Variants in LSAMP observed in about 807,000 individuals in gnomAD.
LSAMP encodes the protein limbic system associated membrane protein, also known as limbic system-associated membrane protein.
In LSAMP, 7 loss-of-function variants were observed where a neutral mutation model predicts 38.6. The observed-to-expected ratio is 0.18, with a 90% confidence interval of 0.10 to 0.34. The LOEUF (loss-of-function observed/expected upper bound fraction) is 0.34, where lower values mean the gene tolerates loss of function less well. Among genes scored for constraint, LSAMP ranks in the 10% least tolerant of loss-of-function variants. The probability of loss-of-function intolerance (pLI) is 1.00; values close to 1 mark genes in which losing one functional copy is unlikely to be tolerated. For synonymous variants in LSAMP, 154 were observed against 166.8 expected (o/e 0.92, Z 0.59); for missense variants, 313 against 420.0 (o/e 0.75, Z 2.23).
intron 3 of LSAMP, among the ~76,000 whole-genome samples, chr3:116,018,060 A>T (rs990262742): frequency 6.6e-6 from 1 of 152,048 alleles, no homozygotes; most frequent in African/African-American, 2.4e-5. Flanking sequence ...TCCTTTATAC[A>T]TATTTTTTTT....
chr3:115,914,811 TA>T (rs1414077705), intron 3 of LSAMP, among the ~76,000 whole-genome samples: 1 of 152,230 alleles, frequency 6.6e-6, no homozygotes, highest in African/African-American at 2.4e-5. Flanking sequence ...TGGTGCTAAG[TA>T]CTCTCAAGCA....
rs534998332 is a variant in LSAMP at position 116,426,969 on chromosome 3, C to T, written c.155+17908G>A. Among the ~76,000 whole-genome samples, 10 of 151,988 alleles carry T rather than the reference C, an allele frequency of 6.6e-5. No individual in the cohort carries two copies. The East Asian group carries it at 1.9e-3, about 29-fold the overall frequency. The stretch of plus-strand genomic sequence containing the variant: ...CTGGGGTTTTTCTGGTAGCATACAA[C>T]CTGAGACTGATTTATTCTATTTATT... On this transcript the variant is annotated intron_variant, in intron 1 of 6. Transcript: ENST00000490035.
chr3:115,861,402 G>T (rs1265448931), intron 3 of LSAMP, among the ~76,000 whole-genome samples: 1 of 151,998 alleles, frequency 6.6e-6, no homozygotes, highest in East Asian at 1.9e-4. Context: ...GCTCTTCAAA[G>T]ATTTCAAAAA....
intron 1 of LSAMP, among the ~76,000 whole-genome samples, chr3:116,428,976 A>C (rs906989967): frequency 4.6e-5 from 7 of 152,210 alleles, no homozygotes; most frequent in African/African-American, 1.7e-4. Flanking sequence ...GTTAGTTCCT[A>C]AACTCTGTCT....
intron 3 of LSAMP, among the ~76,000 whole-genome samples, chr3:115,879,762 CTT>C (rs1936275915): frequency 6.6e-6 from 1 of 152,098 alleles, no homozygotes; most frequent in African/African-American, 2.4e-5. Flanking sequence ...AAGAGACTAA[CTT>C]TTCACAAAAG....
At chr3:116,285,137 CTCCAA>C (rs2047176034) in intron 1 of LSAMP, among the ~76,000 whole-genome samples, 2 of 152,156 alleles carry the variant, frequency 1.3e-5, no homozygotes, top group Admixed American at 1.3e-4. Context: ...GCTGGCTCAG[CTCCAA>C]ATTGGCTGAG....
chr3:116,084,273 G>C (rs541624938), intron 2 of LSAMP, among the ~76,000 whole-genome samples: 1 of 151,844 alleles, frequency 6.6e-6, no homozygotes, highest in Admixed American at 6.6e-5. Flanking sequence ...TGTCAGGAAG[G>C]TACATGCAGT....
At chr3:115,888,329 T>C (rs1187762832) in intron 3 of LSAMP, among the ~76,000 whole-genome samples, 1 of 151,912 alleles carries the variant, frequency 6.6e-6, no homozygotes, top group Admixed American at 6.6e-5. Context: ...GCTGTTTATC[T>C]TTCTATAACC....
intron 1 of LSAMP, among the ~76,000 whole-genome samples, chr3:116,346,535 T>C (rs1406781663): frequency 3.3e-5 from 5 of 151,936 alleles, no homozygotes; most frequent in African/African-American, 1.2e-4. Flanking sequence ...CACCATGTTG[T>C]CCAGGCTGGT....
At chr3:115,971,080 C>T (rs1939003012) in intron 3 of LSAMP, among the ~76,000 whole-genome samples, 1 of 152,042 alleles carries the variant, frequency 6.6e-6, no homozygotes, top group Admixed American at 6.6e-5. Flanking sequence ...TCAGATTATT[C>T]AGAGGTATAA....
intron 1 of LSAMP, among the ~76,000 whole-genome samples, chr3:116,243,111 A>G (rs761660557): frequency 1.3e-5 from 2 of 152,226 alleles, no homozygotes. Context: ...AAGACAGAGA[A>G]GATGATATTA....
In LSAMP at chr3:116,209,254, T is replaced by C. The variant is rs527623108; in HGVS notation, c.156-122698A>G. 4.3e-3 allele frequency among the ~76,000 whole-genome samples: 654 copies of C among 152,252 alleles called. 5 individuals are homozygous for C. The highest frequency in any genetic ancestry group is 0.015 in the African/African-American group (616 of 41,550). On this transcript the variant is annotated intron_variant, in intron 1 of 6. Coordinates refer to ENST00000490035, the MANE Select transcript of LSAMP (RefSeq NM_002338.5). The stretch of plus-strand genomic sequence containing the variant: ...AGTGAGGCAATGCCTCGCCCTGCTT[T>C]GGCTCGCGCACGGTGCGCGCACCCA...
chr3:116,404,527 G>C (rs2048877595), intron 1 of LSAMP, among the ~76,000 whole-genome samples: 1 of 152,066 alleles, frequency 6.6e-6, no homozygotes, highest in Non-Finnish European at 1.5e-5. Context: ...GGATGAATGT[G>C]GTGGGTAGAC....
intron 1 of LSAMP, among the ~76,000 whole-genome samples, chr3:116,427,667 A>G (rs1325730834): frequency 6.6e-6 from 1 of 152,190 alleles, no homozygotes; most frequent in Non-Finnish European, 1.5e-5. Flanking sequence ...AATAAGAGCT[A>G]TTTAGAGGTA....
chr3:116,067,496 A>G (rs1458463714), intron 2 of LSAMP, among the ~76,000 whole-genome samples: 1 of 152,208 alleles, frequency 6.6e-6, no homozygotes, highest in Non-Finnish European at 1.5e-5. Context: ...TCATAGATGT[A>G]TACAGAAACA....
chr3:115,859,411 A>T (rs1935606485), intron 3 of LSAMP, among the ~76,000 whole-genome samples: 1 of 151,958 alleles, frequency 6.6e-6, no homozygotes, highest in Non-Finnish European at 1.5e-5. Context: ...GATTTTAGGG[A>T]AGAGTTGGAG....
chr3:116,119,844 A>G (rs891816450), intron 1 of LSAMP, among the ~76,000 whole-genome samples: 2 of 151,938 alleles, frequency 1.3e-5, no homozygotes, highest in Non-Finnish European at 2.9e-5. Context: ...TATTTTTAGT[A>G]GAGATGGGGT....
intron 1 of LSAMP, among the ~76,000 whole-genome samples, chr3:116,141,558 T>G (rs1709371162): frequency 6.6e-6 from 1 of 151,940 alleles, no homozygotes; most frequent in African/African-American, 2.4e-5. Context: ...GGAAAGGTCT[T>G]AGGTCCTAGG....
intron 2 of LSAMP, among the ~76,000 whole-genome samples, chr3:116,081,810 T>G (rs980879536): frequency 1.3e-5 from 2 of 152,186 alleles, no homozygotes; most frequent in Non-Finnish European, 2.9e-5. Context: ...ATTTAAATCT[T>G]TATTTAGAAA....
Sources: allele counts gnomAD v4.1 joint callset (sites outside exome capture counted in the v4.1 genomes callset), GRCh38; gene constraint gnomAD v4.1.1; transcripts MANE v1.5; gene names NCBI Gene and HGNC (gene_info 2026-07-23, HGNC 2026-07-21).